Variants in FOXP1 observed in about 807,000 individuals in gnomAD.
FOXP1 encodes forkhead box protein P1.
FOXP1 carries 15 observed loss-of-function variants against 98.2 expected under a neutral mutation model. The observed-to-expected ratio is 0.15, with a 90% CI of 0.10 to 0.24. FOXP1 has a LOEUF of 0.24. Among genes scored for constraint, FOXP1 ranks in the 10% least tolerant of loss-of-function variants. The pLI is 1.00. For synonymous variants in FOXP1, 371 were observed against 314.5 expected, an observed-to-expected ratio of 1.18 and a Z score of -1.90; for missense variants, 633 against 848.5, an observed-to-expected ratio of 0.75 and a Z score of 3.15.
chr3:71,218,323 T>A (rs2065097552), intron 5 of FOXP1, among the ~76,000 whole-genome samples: 1 of 151,242 alleles, frequency 6.6e-6, no homozygotes, highest in African/African-American at 2.4e-5. Context: ...CAAAAGAGAG[T>A]TTTCAACCCT....
At chr3:71,467,677 G>A (rs2088914132) in intron 3 of FOXP1, among the ~76,000 whole-genome samples, 1 of 152,200 alleles carries the variant, frequency 6.6e-6, no homozygotes, top group African/African-American at 2.4e-5. Context: ...GACAAAGACT[G>A]CCAATTAGCC....
At chr3:71,456,848 T>A (rs1046277070) in intron 3 of FOXP1, among the ~76,000 whole-genome samples, 1 of 151,932 alleles carries the variant, frequency 6.6e-6, no homozygotes, top group African/African-American at 2.4e-5. Flanking sequence ...TCAACTCATA[T>A]CAGTGGCTTT....
At chr3:71,182,536 A>G (rs9827138) in intron 6 of FOXP1, among the ~76,000 whole-genome samples, 59,828 of 139,282 alleles carry the variant, frequency 0.43, 13,589 homozygotes, top group Middle Eastern at 0.56. Context: ...GTGTGTGTAT[A>G]TATGTATATA....
chr3:71,005,295 G>A (rs1342443987), intron 12 of FOXP1, among the ~76,000 whole-genome samples: 2 of 34,194 alleles, frequency 5.8e-5, no homozygotes, highest in Non-Finnish European at 6.9e-5. Flanking sequence ...CAGAGGTGGA[G>A]AGAAACAAAT....
chr3:71,001,477 C>T (rs2042117372), intron 12 of FOXP1, among the ~76,000 whole-genome samples: 2 of 152,072 alleles, frequency 1.3e-5, no homozygotes, highest in Non-Finnish European at 2.9e-5. Flanking sequence ...GATGATACAT[C>T]CATATACTGA....
At chr3:70,974,858 G>C (rs2037161290) in intron 17 of FOXP1, among the ~76,000 whole-genome samples, 1 of 152,160 alleles carries the variant, frequency 6.6e-6, no homozygotes, top group African/African-American at 2.4e-5. Context: ...AATTTCTGTA[G>C]ATCAGGTTGA....
chr3:71,252,611 G>C (rs1228659693), intron 5 of FOXP1, among the ~76,000 whole-genome samples: 1 of 152,134 alleles, frequency 6.6e-6, no homozygotes. Flanking sequence ...TTCATGCAAG[G>C]CTTTTACTGA....
intron 18 of FOXP1, 125 bp from the exon 19 acceptor site, chr3:70,970,930 A>G: frequency 1.3e-6 from 1 of 754,458 alleles, no homozygotes; most frequent in Non-Finnish European, 2.4e-6. Context: ...GCAAAACCCA[A>G]GAAAAGTCAG....
intron 3 of FOXP1, among the ~76,000 whole-genome samples, chr3:71,413,357 G>C (rs2082948368): frequency 6.7e-6 from 1 of 149,396 alleles, no homozygotes; most frequent in Non-Finnish European, 1.5e-5. Context: ...ACACAATGCT[G>C]CGCTGCCATT....
chr3:70,984,345 C>A (rs1040492596), intron 14 of FOXP1, among the ~76,000 whole-genome samples: 1 of 152,204 alleles, frequency 6.6e-6, no homozygotes, highest in African/African-American at 2.4e-5. Context: ...CAAGGCTGAC[C>A]TCTTACCATT....
intron 4 of FOXP1, among the ~76,000 whole-genome samples, chr3:71,357,320 T>G (rs1480614646): frequency 6.6e-6 from 1 of 152,238 alleles, no homozygotes; most frequent in Non-Finnish European, 1.5e-5. Flanking sequence ...GCCATGGCAC[T>G]TTCAGTAAGA....
intron 3 of FOXP1, among the ~76,000 whole-genome samples, chr3:71,385,666 A>G (rs1385359714): frequency 6.6e-6 from 1 of 152,220 alleles, no homozygotes; most frequent in Non-Finnish European, 1.5e-5. Context: ...AAATATGTAC[A>G]TGAATATGTA....
chr3:71,378,208 T>TTCC (rs386397008), intron 3 of FOXP1, among the ~76,000 whole-genome samples: 3 of 150,824 alleles, frequency 2.0e-5, no homozygotes, highest in Admixed American at 6.6e-5. Context: ...CTAGCTTCTC[T>TTCC]TCCTTTTGCC....
Position 71,197,963 on chromosome 3 carries a change from C to T in FOXP1, c.180+239G>A, listed in dbSNP as rs145648674. 3 of 1,614,204 alleles carry T rather than the reference C, an allele frequency of 1.9e-6. No homozygotes were observed. The highest frequency in any genetic ancestry group is 2.5e-6 in the Non-Finnish European group (3 of 1,179,996). On this transcript the variant is annotated intron_variant, in intron 6 of 20. Coordinates refer to ENST00000649528, the MANE Select transcript of FOXP1 (RefSeq NM_001349338.3). Reference sequence around the variant, plus strand: ...CCACTCATCTTCGTCTCAGCAACTGCTCCCCACAAGGGGACCTGCAGGACT... The same window carrying T: ...CCACTCATCTTCGTCTCAGCAACTGTTCCCCACAAGGGGACCTGCAGGACT...
chr3:71,040,679 A>G (rs1285919682), intron 11 of FOXP1, among the ~76,000 whole-genome samples: 3 of 152,206 alleles, frequency 2.0e-5, no homozygotes, highest in Non-Finnish European at 4.4e-5. Flanking sequence ...AAATAGGAAT[A>G]CAGCTGCTGA....
intron 6 of FOXP1, among the ~76,000 whole-genome samples, chr3:71,175,751 A>G (rs771892890): frequency 6.6e-6 from 1 of 152,222 alleles, no homozygotes; most frequent in African/African-American, 2.4e-5. Flanking sequence ...GGAAATGTAC[A>G]TAGTTTGACT....
chr3:71,128,895 TA>T (rs374808186), intron 6 of FOXP1, among the ~76,000 whole-genome samples: 5,316 of 145,444 alleles, frequency 0.037, 296 homozygotes, highest in African/African-American at 0.12. Context: ...TCACTTGCCT[TA>T]AAAAAAAAAA....
chr3:71,209,016 T>A (rs2064260229), intron 5 of FOXP1, among the ~76,000 whole-genome samples: 1 of 152,188 alleles, frequency 6.6e-6, no homozygotes, highest in South Asian at 2.1e-4. Flanking sequence ...AATTTGCTGT[T>A]ACCAACATCA....
intron 3 of FOXP1, among the ~76,000 whole-genome samples, chr3:71,411,250 T>A (rs2082706015): frequency 6.6e-6 from 1 of 151,702 alleles, no homozygotes; most frequent in Admixed American, 6.6e-5. Context: ...ACAAACTTGT[T>A]GTGGACTTAA....
Sources: allele counts gnomAD v4.1 joint callset (sites outside exome capture counted in the v4.1 genomes callset), GRCh38; gene constraint gnomAD v4.1.1; transcripts MANE v1.5; gene names NCBI Gene and HGNC (gene_info 2026-07-23, HGNC 2026-07-21).